SIDT1: variants seen among roughly 807,000 people sequenced by gnomAD.
SIDT1 encodes the protein SID1 transmembrane family member 1, also known as SID1 transmembrane family, member 1.
A neutral mutation model predicts 107.5 loss-of-function variants in SIDT1; 101 were observed. The observed-to-expected ratio is 0.94, with a 90% CI of 0.80 to 1.11. The LOEUF (loss-of-function observed/expected upper bound fraction) is 1.11, where lower values mean the gene tolerates loss of function less well. SIDT1 is among the 50% of genes least tolerant of loss of function. The pLI, the probability that SIDT1 is intolerant of heterozygous loss-of-function variation, is 0.00. For missense variants in SIDT1, 1,076 were observed against 1,058.2 expected, an observed-to-expected ratio of 1.02 and a Z score of -0.23; for synonymous variants, 395 against 398.2, an observed-to-expected ratio of 0.99 and a Z score of 0.10.
intron 3 of SIDT1, 76 bp downstream of exon 3, chr3:113,567,786 A>G: frequency 7.0e-7 from 1 of 1,425,058 alleles, no homozygotes; most frequent in Non-Finnish European, 9.7e-7. Context: ...CCATCCTTAC[A>G]GACTGGTACT....
intron 14 of SIDT1, chr3:113,606,545 T>C (rs1334447339): frequency 6.6e-6 from 1 of 152,500 alleles, no homozygotes; most frequent in Non-Finnish European, 1.5e-5. Context: ...TGTCAGAAGA[T>C]ACACCTGGAC....
At chr3:113,576,271 C>G (rs1942890785) in intron 3 of SIDT1, among the ~76,000 whole-genome samples, 1 of 152,044 alleles carries the variant, frequency 6.6e-6, no homozygotes, top group African/African-American at 2.4e-5. Context: ...AGAAAAAAAC[C>G]TCATTATATT....
intron 17 of SIDT1, among the ~76,000 whole-genome samples, chr3:113,610,629 T>A (rs1484069678): frequency 6.6e-6 from 1 of 152,248 alleles, no homozygotes; most frequent in East Asian, 1.9e-4. Flanking sequence ...ATGGTCACAC[T>A]GCCTACATTA....
rs199572084 is a variant in SIDT1 at position 113,533,243 on chromosome 3, G to C, written c.222G>C (p.Gln74His). The C allele has an allele frequency of 1.1e-4, 157 of 1,464,826 alleles. No individual in the cohort carries two copies. The highest frequency in any genetic ancestry group is 1.3e-4 in the Non-Finnish European group (144 of 1,102,332). The allele number at this position is 1,464,826 out of a possible 1,614,324, so 90.7% of individuals were successfully genotyped here. Residue 74 changes from glutamine to histidine, a missense_variant and splice_region_variant, in exon 1 of 25, where the codon CAG (glutamine) becomes CAC (histidine). Transcript: ENST00000264852. ...TCAACTACACCAGCCAGCCCGACCA[G>C]GTAAGACACTCGCTCCCCTCGCTCG... ...YSFNYTSQPD[Q>H]VTAVRVYVNS...
intron 10 of SIDT1, among the ~76,000 whole-genome samples, chr3:113,593,840 G>A (rs1016971552): frequency 6.6e-6 from 1 of 152,126 alleles, no homozygotes; most frequent in African/African-American, 2.4e-5. Flanking sequence ...TAATAACTTG[G>A]GGGAATCCAG....
intron 11 of SIDT1, chr3:113,602,330 CT>C (rs1215001192): frequency 6.6e-6 from 1 of 152,248 alleles, no homozygotes; most frequent in Admixed American, 6.5e-5. Flanking sequence ...CATTCTGTAA[CT>C]TTGAGAAGCA....
downstream of SIDT1, among the ~76,000 whole-genome samples, chr3:113,631,221 A>T (rs116094367): frequency 6.6e-6 from 1 of 152,120 alleles, no homozygotes; most frequent in Non-Finnish European, 1.5e-5. Flanking sequence ...AGCTATTACA[A>T]CCCTATTTCA....
intron 1 of SIDT1, among the ~76,000 whole-genome samples, chr3:113,559,281 T>C (rs1941195812): frequency 1.3e-5 from 2 of 152,228 alleles, no homozygotes; most frequent in Admixed American, 1.3e-4. Flanking sequence ...ACTGAAGTCA[T>C]TGCACCAACT....
At chr3:113,619,908 A>G in intron 21 of SIDT1, 182 bp downstream of exon 21, 1 of 589,354 alleles carries the variant, frequency 1.7e-6, no homozygotes, top group African/African-American at 1.9e-5. Flanking sequence ...AGCCTCTCTT[A>G]AAACACTGAT....
At chr3:113,534,113 C>G (rs1317073436) in intron 1 of SIDT1, among the ~76,000 whole-genome samples, 4 of 152,110 alleles carry the variant, frequency 2.6e-5, no homozygotes, top group Non-Finnish European at 5.9e-5. Context: ...GAGACAGAGA[C>G]AGAGACTCCC....
chr3:113,601,746 G>T, intron 11 of SIDT1, 87 bp downstream of exon 11: 1 of 869,022 alleles, frequency 1.2e-6, no homozygotes, highest in Non-Finnish European at 1.8e-6. Flanking sequence ...TAATAACTGG[G>T]AATGTGGGCA....
At chr3:113,562,846 G>A (rs889214457) in intron 1 of SIDT1, among the ~76,000 whole-genome samples, 10 of 152,196 alleles carry the variant, frequency 6.6e-5, no homozygotes, top group African/African-American at 2.4e-4. Context: ...AGAATGAATT[G>A]TGTGATGTAT....
At chr3:113,577,965 A>G (rs1943032679) in intron 4 of SIDT1, among the ~76,000 whole-genome samples, 1 of 152,216 alleles carries the variant, frequency 6.6e-6, no homozygotes, top group South Asian at 2.1e-4. Context: ...ATGCACAATC[A>G]GCTCTCCCAA....
chr3:113,596,501 GAA>G (rs1309143543), intron 10 of SIDT1, among the ~76,000 whole-genome samples: 2 of 152,192 alleles, frequency 1.3e-5, no homozygotes, highest in Non-Finnish European at 2.9e-5. Context: ...GGGTGAGATG[GAA>G]ATACTGTTGG....
At chr3:113,592,211 A>G (rs893212624) in intron 9 of SIDT1, among the ~76,000 whole-genome samples, 2 of 152,136 alleles carry the variant, frequency 1.3e-5, no homozygotes, top group African/African-American at 4.8e-5. Context: ...CTAGAATTCG[A>G]TAGTGGTGGG....
At chr3:113,627,048 C>T (rs894033308) in intron 24 of SIDT1, among the ~76,000 whole-genome samples, 3 of 152,138 alleles carry the variant, frequency 2.0e-5, no homozygotes, top group African/African-American at 7.2e-5. Context: ...ATGAGAGAGA[C>T]AGAGACAGCA....
rs955296657 is a variant in SIDT1, at chr3:113,565,328, T to C, written c.223-1092T>C. Among the ~76,000 whole-genome samples the C allele has an allele frequency of 2.0e-5, 3 of 152,196 alleles. No homozygotes were observed. The East Asian group carries it at 5.8e-4, about 29-fold the overall frequency. ...GGGCAGATCACTGGAGGTCAGCAGTTCGAGACCAGCCTGGCCAACATGGTG... is the reference window on the plus strand; with the variant it reads ...GGGCAGATCACTGGAGGTCAGCAGTCCGAGACCAGCCTGGCCAACATGGTG... On this transcript the variant is annotated intron_variant, in intron 1 of 24. Transcript: ENST00000264852.
intron 13 of SIDT1, 95 bp from the exon 14 acceptor site, chr3:113,604,815 G>A: frequency 7.1e-7 from 1 of 1,414,192 alleles, no homozygotes; most frequent in Non-Finnish European, 9.9e-7. Context: ...GTTAATTATG[G>A]ACTTATGGGG....
chr3:113,595,238 G>A (rs572370043), intron 10 of SIDT1, among the ~76,000 whole-genome samples: 2 of 151,950 alleles, frequency 1.3e-5, no homozygotes, highest in Non-Finnish European at 2.9e-5. Flanking sequence ...CTTCACTTCC[G>A]TGCACTAGAT....
Sources: gnomAD v4.1 joint callset for allele counts (sites outside exome capture counted in the v4.1 genomes callset) on GRCh38, gnomAD v4.1.1 for gene constraint, MANE v1.5 for transcripts, NCBI Gene and HGNC (gene_info 2026-07-23, HGNC 2026-07-21) for gene names.